Variants in DACH2 observed in about 807,000 individuals in gnomAD.
DACH2 encodes the protein dachshund homolog 2.
In DACH2, 17 loss-of-function variants were observed where a neutral mutation model predicts 35.8. That is an observed-to-expected ratio of 0.48 (90% CI 0.33 to 0.71). The LOEUF is 0.71. DACH2 is among the 30% of genes least tolerant of loss of function. The pLI is 0.02. For synonymous variants in DACH2, 195 were observed against 177.3 expected, an observed-to-expected ratio of 1.10 and a Z score of -0.79; for missense variants, 469 against 472.7, an observed-to-expected ratio of 0.99 and a Z score of 0.07.
chrX:86,409,948 A>G (rs1384602899), intron 2 of DACH2, among the ~76,000 whole-genome samples: 2 of 112,146 alleles, frequency 1.8e-5, no homozygotes, highest in African/African-American at 6.5e-5. Context: ...CCCCAAAGGC[A>G]TTCTTAATAC....
chrX:86,538,242 G>A (rs2038830588), intron 3 of DACH2, among the ~76,000 whole-genome samples: 1 of 111,261 alleles, frequency 9.0e-6, no homozygotes, highest in Admixed American at 9.6e-5. Context: ...TCAGCATCCT[G>A]ATAATCACCA....
At chrX:86,778,392 T>C (rs2042056283) in intron 7 of DACH2, among the ~76,000 whole-genome samples, 1 of 110,915 alleles carries the variant, frequency 9.0e-6, no homozygotes, top group African/African-American at 3.3e-5. Context: ...ATCTGATGAT[T>C]AGTGATATTG....
intron 7 of DACH2, among the ~76,000 whole-genome samples, chrX:86,800,798 T>C (rs1217946489): frequency 9.0e-6 from 1 of 110,741 alleles, no homozygotes; most frequent in East Asian, 2.8e-4. Context: ...GCCTCCCGAG[T>C]AGCTGGGATT....
intron 5 of DACH2, among the ~76,000 whole-genome samples, chrX:86,698,930 G>A (rs140743393): frequency 0.041 from 4,501 of 109,693 alleles, 221 homozygotes; most frequent in African/African-American, 0.14. Flanking sequence ...AGATAAAACA[G>A]ACTGTAAAGC....
chrX:86,348,940 G>T (rs1207168900), intron 1 of DACH2, among the ~76,000 whole-genome samples: 3 of 112,115 alleles, frequency 2.7e-5, no homozygotes, highest in African/African-American at 9.7e-5. Flanking sequence ...GCATCTAGGG[G>T]TGAATGCTTA....
At chrX:86,470,492 C>T (rs757537947) in intron 2 of DACH2, among the ~76,000 whole-genome samples, 30 of 111,030 alleles carry the variant, frequency 2.7e-4, no homozygotes, top group Non-Finnish European at 3.6e-4. Flanking sequence ...GTTAATTTTA[C>T]GGCAGTTTCA....
chrX:86,384,702 A>C (rs1038127349), intron 2 of DACH2, among the ~76,000 whole-genome samples: 13 of 112,083 alleles, frequency 1.2e-4, no homozygotes, highest in African/African-American at 4.2e-4. Flanking sequence ...CAGCAATAAA[A>C]TGTGAAGTTG....
chrX:86,410,908 T>C (rs1174849821), intron 2 of DACH2, among the ~76,000 whole-genome samples: 1 of 105,494 alleles, frequency 9.5e-6, no homozygotes, highest in East Asian at 3.1e-4. Flanking sequence ...AGCCTATCTT[T>C]TTGCCACATT....
chrX:86,545,826 T>A (rs2038948430), intron 3 of DACH2, among the ~76,000 whole-genome samples: 1 of 112,190 alleles, frequency 8.9e-6, no homozygotes, highest in East Asian at 2.8e-4. Context: ...AAATACAGGC[T>A]GTTTTAAAAG....
At chrX:86,772,044 T>C (rs2041992602) in intron 7 of DACH2, among the ~76,000 whole-genome samples, 1 of 111,744 alleles carries the variant, frequency 8.9e-6, no homozygotes, top group Admixed American at 9.6e-5. Flanking sequence ...GATTCAATTC[T>C]GAGCCTTGCT....
At chrX:86,549,409 G>A (rs1300253193) in intron 3 of DACH2, among the ~76,000 whole-genome samples, 1 of 110,963 alleles carries the variant, frequency 9.0e-6, no homozygotes, top group Non-Finnish European at 1.9e-5. Context: ...TGCACAATTT[G>A]TAAGTATAGA....
intron 1 of DACH2, among the ~76,000 whole-genome samples, chrX:86,206,937 C>T (rs2147909508): frequency 9.0e-6 from 1 of 111,640 alleles, no homozygotes; most frequent in African/African-American, 3.3e-5. Flanking sequence ...CACCTTAAAT[C>T]TTTTTTGTAA....
rs192840006 is a variant in DACH2, at chrX:86,695,596, C to T, written c.931+417C>T. ...CGTGATCGCGGCTCATTGCAACCTC[C>T]GCCTCCTGGTTCAAGCAATTCTCCT... On this transcript the variant is annotated intron_variant, in intron 5 of 11. Transcript: ENST00000373125. 2.5e-3 allele frequency among the ~76,000 whole-genome samples: 269 copies of T among 108,483 alleles called. 2 individuals carry two copies. The highest frequency in any genetic ancestry group is 8.3e-3 in the African/African-American group (246 of 29,629). The allele number at this position is 108,483 out of a possible 115,157, so 94.2% of individuals were successfully genotyped here. A position where few individuals can be genotyped will look rare whatever the true frequency, so the allele number is the denominator to read the frequency against.
chrX:86,581,116 G>A (rs1198098279), intron 3 of DACH2, among the ~76,000 whole-genome samples: 6 of 111,159 alleles, frequency 5.4e-5, no homozygotes, highest in African/African-American at 2.0e-4. Flanking sequence ...TTCCAACAAA[G>A]GATTTCATTT....
At chrX:86,795,674 G>A (rs1196683855) in intron 7 of DACH2, among the ~76,000 whole-genome samples, 2 of 112,281 alleles carry the variant, frequency 1.8e-5, no homozygotes, top group African/African-American at 6.5e-5. Context: ...TGAAGCCGCG[G>A]ACCCTCGCAG....
chrX:86,646,795 G>A (rs1337862142), intron 3 of DACH2, among the ~76,000 whole-genome samples: 1 of 109,630 alleles, frequency 9.1e-6, no homozygotes, highest in Non-Finnish European at 1.9e-5. Context: ...ATATATGGAT[G>A]TATGAAACTG....
intron 3 of DACH2, among the ~76,000 whole-genome samples, chrX:86,578,465 G>T (rs2039462419): frequency 9.0e-6 from 1 of 110,982 alleles, no homozygotes; most frequent in Admixed American, 9.6e-5. Flanking sequence ...GATTTCCTTG[G>T]TTATTAATTC....
chrX:86,701,134 T>C (rs761944796), intron 5 of DACH2, among the ~76,000 whole-genome samples: 1 of 110,724 alleles, frequency 9.0e-6, no homozygotes, highest in Non-Finnish European at 1.9e-5. Context: ...GCAAACCAAA[T>C]TGAGCAACAC....
intron 3 of DACH2, among the ~76,000 whole-genome samples, chrX:86,584,687 G>A (rs1361764572): frequency 9.0e-6 from 1 of 110,630 alleles, no homozygotes; most frequent in Non-Finnish European, 1.9e-5. Context: ...AGTACATAAC[G>A]GGTGTATAGT....
Sources: gnomAD v4.1 joint callset for allele counts (sites outside exome capture counted in the v4.1 genomes callset) on GRCh38, gnomAD v4.1.1 for gene constraint, MANE v1.5 for transcripts, NCBI Gene and HGNC (gene_info 2026-07-23, HGNC 2026-07-21) for gene names.